Variants in MBD5 observed in about 807,000 individuals in gnomAD.
MBD5 encodes methyl-CpG-binding domain protein 5.
In MBD5, 13 loss-of-function variants were observed where a neutral mutation model predicts 117.3. That is an observed-to-expected ratio of 0.11 (90% CI 0.07 to 0.18). The LOEUF (loss-of-function observed/expected upper bound fraction) is 0.18, where lower values mean the gene tolerates loss of function less well. Among genes scored for constraint, MBD5 ranks in the 10% least tolerant of loss-of-function variants. The pLI, the probability that MBD5 is intolerant of heterozygous loss-of-function variation, is 1.00. For synonymous variants in MBD5, 727 were observed against 766.4 expected (o/e 0.95, Z 0.85); for missense variants, 1,879 against 2,093.8 (o/e 0.90, Z 2.00).
intron 2 of MBD5, among the ~76,000 whole-genome samples, chr2:148,208,306 C>T (rs1699334642): frequency 6.6e-6 from 1 of 152,114 alleles, no homozygotes; most frequent in African/African-American, 2.4e-5. Context: ...GGCTGGAGTG[C>T]AGTGGCATGA....
At chr2:148,471,471 A>G (rs935089444) in intron 8 of MBD5, 3 of 152,186 alleles carry the variant, frequency 2.0e-5, no homozygotes, top group African/African-American at 7.2e-5. Flanking sequence ...ACAGTGTGCT[A>G]TGAAAACCAG....
At chr2:148,274,336 C>A (rs141106356) in intron 3 of MBD5, among the ~76,000 whole-genome samples, 1,625 of 152,146 alleles carry the variant, frequency 0.011, 27 homozygotes, top group African/African-American at 0.036. Flanking sequence ...CCCATCAACC[C>A]ATCACCTACA....
At chr2:148,505,548 T>A (rs183107574) in intron 12 of MBD5, among the ~76,000 whole-genome samples, 1 of 152,024 alleles carries the variant, frequency 6.6e-6, no homozygotes, top group East Asian at 1.9e-4. Context: ...CCCCATCAGA[T>A]TGGGCAATTT....
intron 4 of MBD5, among the ~76,000 whole-genome samples, chr2:148,350,982 C>T (rs1220268152): frequency 2.6e-5 from 4 of 151,920 alleles, no homozygotes; most frequent in African/African-American, 9.7e-5. Flanking sequence ...CAATATTTTC[C>T]AATTTCCTAT....
chr2:148,228,472 T>C (rs1383738976), intron 2 of MBD5, among the ~76,000 whole-genome samples: 1 of 152,198 alleles, frequency 6.6e-6, no homozygotes, highest in Non-Finnish European at 1.5e-5. Flanking sequence ...CACTTGATCA[T>C]GGTGGATAAG....
In MBD5 at chr2:148,184,023, ATT is replaced by A. The variant is rs11404995; in HGVS notation, c.-831+5245_-831+5246del. Among the ~76,000 whole-genome samples the A allele has an allele frequency of 1.2e-3, 163 of 140,928 alleles. 1 individual carries two copies. The highest frequency in any genetic ancestry group is 0.011 in the Middle Eastern group (3 of 278). 92.5% of individuals were successfully genotyped at this position (140,928 alleles called of 152,430 possible). The stretch of plus-strand genomic sequence containing the variant: ...CATTCCTTCAAATACATCCTTCTTA[ATT>A]TTTTTTTTTTTTTTGAGACCTTCTG... On this transcript the variant is annotated intron_variant, in intron 2 of 13. Coordinates refer to ENST00000642680, the MANE Select transcript of MBD5 (RefSeq NM_001378120.1).
At chr2:148,171,220 T>A (rs1476081543) in intron 1 of MBD5, among the ~76,000 whole-genome samples, 4 of 152,216 alleles carry the variant, frequency 2.6e-5, no homozygotes, top group African/African-American at 9.6e-5. Flanking sequence ...GTATATATTA[T>A]GCAAATATCC....
At chr2:148,354,594 A>G (rs1225399533) in intron 4 of MBD5, among the ~76,000 whole-genome samples, 4 of 152,180 alleles carry the variant, frequency 2.6e-5, no homozygotes, top group Non-Finnish European at 1.5e-5. Flanking sequence ...ATGTGTCTTT[A>G]TAGTAGAATG....
intron 4 of MBD5, among the ~76,000 whole-genome samples, chr2:148,442,450 C>T (rs1706356009): frequency 6.6e-6 from 1 of 151,040 alleles, no homozygotes; most frequent in East Asian, 1.9e-4. Flanking sequence ...GCTCACAGAG[C>T]TTACATTCTT....
intron 2 of MBD5, among the ~76,000 whole-genome samples, chr2:148,227,670 T>C (rs12986685): frequency 0.23 from 35,173 of 152,122 alleles, 4,452 homozygotes; most frequent in East Asian, 0.53. Context: ...GGTAGCTTGA[T>C]GGGGATGGCA....
chr2:148,493,279 A>G (rs904697390), intron 11 of MBD5, among the ~76,000 whole-genome samples: 1 of 152,214 alleles, frequency 6.6e-6, no homozygotes, highest in Non-Finnish European at 1.5e-5. Flanking sequence ...CTCAGCTTTC[A>G]TACTATTTCT....
rs76185089 is a variant in MBD5 at position 148,087,819 on chromosome 2, C to T, written c.-925+66135C>T. On this transcript the variant is annotated intron_variant, in intron 1 of 13. Coordinates refer to ENST00000642680, the MANE Select transcript of MBD5 (RefSeq NM_001378120.1). The stretch of plus-strand genomic sequence containing the variant: ...ATGACAAAACTAGGTTCTGTAACAC[C>T]CCCAAAGACCACACTAGCTTGCTAG... 9.9e-4 allele frequency among the ~76,000 whole-genome samples: 150 copies of T among 152,086 alleles called. 1 individual carries two copies. In the East Asian group the frequency reaches 0.024, roughly 25 times the overall value.
At chr2:148,309,879 T>A (rs1701987876) in intron 3 of MBD5, among the ~76,000 whole-genome samples, 1 of 152,216 alleles carries the variant, frequency 6.6e-6, no homozygotes, top group South Asian at 2.1e-4. Flanking sequence ...GGTTGTTGAA[T>A]TTTATCAAAG....
chr2:148,221,719 A>C (rs1369371722), intron 2 of MBD5, among the ~76,000 whole-genome samples: 1 of 151,938 alleles, frequency 6.6e-6, no homozygotes, highest in Non-Finnish European at 1.5e-5. Flanking sequence ...GTGTCTCTTC[A>C]CTTTGTTGTT....
intron 2 of MBD5, among the ~76,000 whole-genome samples, chr2:148,200,753 C>T (rs151337040): frequency 4.7e-5 from 7 of 149,526 alleles, no homozygotes; most frequent in Non-Finnish European, 8.9e-5. Flanking sequence ...AGACATTATA[C>T]GTATACTGAT....
intron 2 of MBD5, among the ~76,000 whole-genome samples, chr2:148,185,165 G>A (rs973326191): frequency 3.9e-5 from 6 of 152,166 alleles, no homozygotes; most frequent in African/African-American, 7.2e-5. Flanking sequence ...TTCATTTCCT[G>A]TTTTATCCTC....
intron 4 of MBD5, among the ~76,000 whole-genome samples, chr2:148,420,415 A>C (rs1045025499): frequency 6.6e-6 from 1 of 152,008 alleles, no homozygotes; most frequent in African/African-American, 2.4e-5. Flanking sequence ...TCATTTTTGT[A>C]TTTTTCTTAT....
chr2:148,501,495 C>G (rs993999836), intron 11 of MBD5, among the ~76,000 whole-genome samples: 1 of 152,176 alleles, frequency 6.6e-6, no homozygotes, highest in African/African-American at 2.4e-5. Context: ...ACTATTTTTA[C>G]TTAGATTGTG....
intron 2 of MBD5, among the ~76,000 whole-genome samples, chr2:148,200,826 G>T (rs1417932163): frequency 6.7e-6 from 1 of 149,284 alleles, no homozygotes; most frequent in Non-Finnish European, 1.5e-5. Flanking sequence ...TTCTAAAGAA[G>T]TTCTTCTGAT....
Sources: gnomAD v4.1 joint callset for allele counts (sites outside exome capture counted in the v4.1 genomes callset) on GRCh38, gnomAD v4.1.1 for gene constraint, MANE v1.5 for transcripts, NCBI Gene and HGNC (gene_info 2026-07-23, HGNC 2026-07-21) for gene names.